Variants in EYA3 observed in about 807,000 individuals in gnomAD.
EYA3 encodes protein phosphatase EYA3.
EYA3 carries 39 observed loss-of-function variants against 80.0 expected under a neutral mutation model. The ratio of observed to expected loss-of-function variants is 0.49; its 90% CI spans 0.38 to 0.64. The LOEUF is 0.64. Among genes scored for constraint, EYA3 ranks in the 30% least tolerant of loss-of-function variants. The probability of loss-of-function intolerance (pLI) is 0.00; values close to 1 mark genes in which losing one functional copy is unlikely to be tolerated. For synonymous variants in EYA3, 206 were observed against 232.8 expected (o/e 0.88, Z 1.05); for missense variants, 523 against 676.1 (o/e 0.77, Z 2.51).
Position 27,973,805 on chromosome 1 carries a change from C to G in EYA3, c.*661G>C, listed in dbSNP as rs1230294877. ...TTTTAGATATTTCAATTACTATTTTCAAGACTTTAAACACCCCTTCTTGCT... is the reference window on the plus strand; with the variant it reads ...TTTTAGATATTTCAATTACTATTTTGAAGACTTTAAACACCCCTTCTTGCT... On this transcript the variant is annotated 3_prime_UTR_variant, in exon 18 of 18. Transcript: ENST00000373871. The G allele has an allele frequency of 6.6e-6, 1 of 152,192 alleles. No individual in the cohort carries two copies. Among genetic ancestry groups the G allele is most frequent in the African/African-American group, 2.4e-5 (1 of 41,434 alleles). The allele number at this position is 152,192 out of a possible 1,614,324, so 9.4% of individuals were successfully genotyped here.
rs1644105265 is a variant in EYA3, at chr1:28,048,324, TG to T, written c.77+58del. On this transcript the variant is annotated intron_variant, in intron 3 of 17. Coordinates refer to ENST00000373871, the MANE Select transcript of EYA3 (RefSeq NM_001990.4). ...GCATGCCCATACGCTAATCAGCATG[TG>T]AAAAAAAAAAACAAAACTTATGAGT... The T allele has an allele frequency of 2.0e-5, 24 of 1,204,990 alleles. No homozygotes were observed. In the South Asian group the frequency reaches 3.0e-4, roughly 15 times the overall value. The allele number at this position is 1,204,990 out of a possible 1,614,324, so 74.6% of individuals were successfully genotyped here. A position where few individuals can be genotyped will look rare whatever the true frequency, so the allele number is the denominator to read the frequency against.
rs914222830 is a variant in EYA3 at position 28,046,308 on chromosome 1, G to A, written c.77+2075C>T. ...AAGGTAAAAGAAGAGATAATTGCAG[G>A]AAAAGATGAAGGTGATGGGTTCTTT... On this transcript the variant is annotated intron_variant, in intron 3 of 17. Coordinates refer to ENST00000373871, the MANE Select transcript of EYA3 (RefSeq NM_001990.4). Among the ~76,000 whole-genome samples the A allele has an allele frequency of 2.6e-5, 4 of 152,144 alleles. No individual in the cohort carries two copies. The South Asian group carries it at 6.2e-4, about 24-fold the overall frequency.
intron 1 of EYA3, among the ~76,000 whole-genome samples, chr1:28,086,883 T>A (rs1382324014): frequency 2.0e-5 from 3 of 152,210 alleles, no homozygotes. Flanking sequence ...CCGTGGCTTC[T>A]AGGACTAACA....
intron 1 of EYA3, among the ~76,000 whole-genome samples, chr1:28,079,631 AAAT>A (rs1293726380): frequency 6.6e-6 from 1 of 152,184 alleles, no homozygotes; most frequent in Non-Finnish European, 1.5e-5. Flanking sequence ...TAAGTTTTTA[AAAT>A]AATGTGCCTA....
chr1:28,084,576 T>TAC (rs1645557078), intron 1 of EYA3, among the ~76,000 whole-genome samples: 4 of 13,460 alleles, frequency 3.0e-4, no homozygotes, highest in Non-Finnish European at 3.4e-4. Context: ...TATATATATA[T>TAC]ATATATATAT....
chr1:27,978,561 T>C, intron 16 of EYA3, 87 bp from the exon 17 acceptor site: 2 of 1,057,412 alleles, frequency 1.9e-6, no homozygotes, highest in Non-Finnish European at 2.9e-6. Flanking sequence ...TTCACCTGCC[T>C]GTGCTTAGGT....
At chr1:28,048,235 T>G in intron 3 of EYA3, 148 bp downstream of exon 3, 1 of 576,702 alleles carries the variant, frequency 1.7e-6, no homozygotes, top group South Asian at 2.9e-5. Context: ...AAAGGAAATT[T>G]TAATCTTAAA....
At chr1:28,015,629 G>C (rs1642003805) in intron 8 of EYA3, among the ~76,000 whole-genome samples, 1 of 152,144 alleles carries the variant, frequency 6.6e-6, no homozygotes, top group South Asian at 2.1e-4. Flanking sequence ...TAGTATTTTA[G>C]AGAATGAACA....
At chr1:28,031,734 T>C (rs552463627) in intron 6 of EYA3, 8 of 152,254 alleles carry the variant, frequency 5.3e-5, no homozygotes, top group Admixed American at 3.3e-4. Context: ...CTCATTTGGA[T>C]AGGCTATTAT....
At chr1:27,980,898 G>A (rs1329553835) in intron 16 of EYA3, among the ~76,000 whole-genome samples, 1 of 152,154 alleles carries the variant, frequency 6.6e-6, no homozygotes, top group African/African-American at 2.4e-5. Context: ...AATTAGCTGG[G>A]TATGGTGGTG....
At chr1:28,074,459 A>G (rs1250187902) in intron 1 of EYA3, among the ~76,000 whole-genome samples, 6 of 151,992 alleles carry the variant, frequency 3.9e-5, no homozygotes, top group African/African-American at 1.4e-4. Flanking sequence ...AATATAGTTC[A>G]CAAAACCTTA....
chr1:28,025,382 A>G (rs2148822403), intron 7 of EYA3, among the ~76,000 whole-genome samples: 1 of 152,316 alleles, frequency 6.6e-6, no homozygotes, highest in South Asian at 2.1e-4. Flanking sequence ...TGATATTGAT[A>G]CTATGACCTC....
At chr1:28,035,432 A>C in intron 6 of EYA3, 112 bp downstream of exon 6, 2 of 1,186,854 alleles carry the variant, frequency 1.7e-6, no homozygotes, top group Non-Finnish European at 2.3e-6. Context: ...AAAGTTGCAT[A>C]CCCAACCACA....
At chr1:27,982,321 T>A (rs1313123299) in intron 16 of EYA3, among the ~76,000 whole-genome samples, 1 of 151,992 alleles carries the variant, frequency 6.6e-6, no homozygotes, top group Admixed American at 6.6e-5. Flanking sequence ...TAAAAAAATT[T>A]TTTTTGTAGA....
intron 8 of EYA3, among the ~76,000 whole-genome samples, chr1:28,014,788 T>C (rs1641937081): frequency 6.6e-6 from 1 of 151,982 alleles, no homozygotes; most frequent in African/African-American, 2.4e-5. Context: ...TAGGCACATA[T>C]ATGGCAAAAC....
intron 7 of EYA3, among the ~76,000 whole-genome samples, chr1:28,021,720 C>T (rs566907147): frequency 6.6e-6 from 1 of 152,010 alleles, no homozygotes; most frequent in East Asian, 1.9e-4. Context: ...TCTCGTGCCT[C>T]AGCCTCCCCG....
chr1:28,082,714 G>C (rs1161983546), intron 1 of EYA3, among the ~76,000 whole-genome samples: 2 of 152,076 alleles, frequency 1.3e-5, no homozygotes, highest in African/African-American at 4.8e-5. Flanking sequence ...GGAATGGTAA[G>C]ATTTAAGTAT....
At chr1:28,069,468 G>A (rs756139168) in intron 1 of EYA3, among the ~76,000 whole-genome samples, 25 of 151,268 alleles carry the variant, frequency 1.7e-4, no homozygotes, top group Non-Finnish European at 2.9e-4. Context: ...TGAGGTAGGA[G>A]GATCCCTTGA....
Position 28,004,425 on chromosome 1 carries a change from G to T in EYA3, c.910-6C>A. 1.9e-6 allele frequency: 3 copies of T among 1,599,090 alleles called. No individual in the cohort carries two copies. The highest frequency in any genetic ancestry group is 2.6e-6 in the Non-Finnish European group (3 of 1,168,928). The stretch of plus-strand genomic sequence containing the variant: ...AAGTCCCACAGAAATACCCGCTGAG[G>T]AAAGAAAATATAAAAAATGAGTATA... On this transcript the variant is annotated splice_region_variant and splice_polypyrimidine_tract_variant and intron_variant, in intron 10 of 17. Transcript: ENST00000373871.
Sources: allele counts gnomAD v4.1 joint callset (sites outside exome capture counted in the v4.1 genomes callset), GRCh38; gene constraint gnomAD v4.1.1; transcripts MANE v1.5; gene names NCBI Gene and HGNC (gene_info 2026-07-23, HGNC 2026-07-21).